AKAP13: variants seen among roughly 807,000 people sequenced by gnomAD.
AKAP13 encodes the protein A-kinase anchoring protein 13.
AKAP13 carries 80 observed loss-of-function variants against 264.5 expected under a neutral mutation model. The ratio of observed to expected loss-of-function variants is 0.30; its 90% CI spans 0.25 to 0.36. The LOEUF is 0.36. Among genes scored for constraint, AKAP13 ranks in the 10% least tolerant of loss-of-function variants. AKAP13 has a pLI of 1.00. For synonymous variants in AKAP13, 1,380 were observed against 1,250.2 expected, an observed-to-expected ratio of 1.10 and a Z score of -2.19; for missense variants, 3,712 against 3,435.2, an observed-to-expected ratio of 1.08 and a Z score of -2.01.
chr15:85,398,127 C>T (rs2071209596), intron 1 of AKAP13, among the ~76,000 whole-genome samples: 1 of 151,988 alleles, frequency 6.6e-6, no homozygotes, highest in Non-Finnish European at 1.5e-5. Context: ...CTCATTCTGG[C>T]GAGAGTTGAA....
chr15:85,513,309 A>G (rs1466480024), intron 2 of AKAP13, among the ~76,000 whole-genome samples: 1 of 151,962 alleles, frequency 6.6e-6, no homozygotes, highest in Non-Finnish European at 1.5e-5. Context: ...GCTTCCCACA[A>G]CCCCAGCCCT....
chr15:85,595,588 C>A (rs898452389), intron 8 of AKAP13, among the ~76,000 whole-genome samples: 2 of 152,204 alleles, frequency 1.3e-5, no homozygotes, highest in Non-Finnish European at 2.9e-5. Flanking sequence ...TGAAAAGTGC[C>A]TGTCTGAAAC....
At chr15:85,574,608 G>A (rs751330236) in intron 5 of AKAP13, among the ~76,000 whole-genome samples, 4 of 152,138 alleles carry the variant, frequency 2.6e-5, no homozygotes, top group Non-Finnish European at 5.9e-5. Context: ...CATTGTAACA[G>A]TTTTTCTTTG....
intron 4 of AKAP13, among the ~76,000 whole-genome samples, chr15:85,538,392 C>G (rs924236885): frequency 3.9e-4 from 59 of 152,082 alleles, no homozygotes; most frequent in African/African-American, 1.3e-3. Context: ...TGTGTATTCC[C>G]AATTCTATAC....
rs2151419613 is a variant in AKAP13, at chr15:85,620,011, A to G, written c.4162-19363A>G. ...ACCACCTAACCGTGAGAAATTTGGAACTAAGGACTTGCACTGGTCCCCAAG... is the reference window on the plus strand; with the variant it reads ...ACCACCTAACCGTGAGAAATTTGGAGCTAAGGACTTGCACTGGTCCCCAAG... On this transcript the variant is annotated intron_variant, in intron 8 of 36. Coordinates refer to ENST00000394518, the MANE Select transcript of AKAP13 (RefSeq NM_007200.5). 2.6e-6 allele frequency: 4 copies of G among 1,520,910 alleles called. No homozygotes were observed. In the South Asian group the frequency reaches 3.7e-5, roughly 14 times the overall value. The allele number at this position is 1,520,910 out of a possible 1,614,324, so 94.2% of individuals were successfully genotyped here. A position where few individuals can be genotyped will look rare whatever the true frequency, so the allele number is the denominator to read the frequency against.
intron 17 of AKAP13, among the ~76,000 whole-genome samples, chr15:85,699,535 G>A (rs773282845): frequency 2.4e-4 from 37 of 152,172 alleles, no homozygotes; most frequent in Admixed American, 6.5e-4. Flanking sequence ...AGGAGAAAAG[G>A]AGTTGAAGAG....
At chr15:85,471,796 A>G (rs77799869) in intron 1 of AKAP13, among the ~76,000 whole-genome samples, 11,750 of 152,300 alleles carry the variant, frequency 0.077, 745 homozygotes, top group East Asian at 0.3. Flanking sequence ...TTGAACTTAT[A>G]CTAGCTCTGT....
chr15:85,539,178 C>T (rs1436855437), intron 4 of AKAP13, among the ~76,000 whole-genome samples: 1 of 152,030 alleles, frequency 6.6e-6, no homozygotes, highest in African/African-American at 2.4e-5. Context: ...AAGAAAATAA[C>T]AACATATTTT....
At chr15:85,467,763 A>C (rs1179757369) in intron 1 of AKAP13, among the ~76,000 whole-genome samples, 1 of 152,232 alleles carries the variant, frequency 6.6e-6, no homozygotes, top group East Asian at 1.9e-4. Flanking sequence ...CGAATGAGTG[A>C]ATAACTAAAA....
At chr15:85,619,591 T>A in intron 8 of AKAP13, 2 of 985,602 alleles carry the variant, frequency 2.0e-6, no homozygotes, top group Non-Finnish European at 2.4e-6. Context: ...ACTTTTTTCA[T>A]GCCATCGCTT....
At position 85,684,762 on chromosome 15, in the gene AKAP13, T is replaced by C; in HGVS notation, c.5178T>C (p.Asn1726=). ...LTESITEENY[N]FLPHSPSKKD... Reference sequence around the variant, plus strand: ...TTAGTATAACAGAAGAGAACTATAATTTCCTGCCACATAGCCCCTCCAAGA... The same window carrying C: ...TTAGTATAACAGAAGAGAACTATAACTTCCTGCCACATAGCCCCTCCAAGA... The change falls in exon 16 of 37, where the codon AAT becomes AAC. Residue 1726 remains asparagine, a synonymous_variant. Transcript: ENST00000394518. 6.2e-7 allele frequency: 1 copy of C among 1,613,212 alleles called. No individual in the cohort carries two copies.
At chr15:85,458,650 G>A (rs142683135) in intron 1 of AKAP13, among the ~76,000 whole-genome samples, 2 of 151,984 alleles carry the variant, frequency 1.3e-5, no homozygotes, top group Non-Finnish European at 2.9e-5. Context: ...TTTCTACTGC[G>A]TTGAAACTTA....
intron 7 of AKAP13, among the ~76,000 whole-genome samples, chr15:85,584,125 A>G (rs2079237666): frequency 6.6e-6 from 1 of 152,204 alleles, no homozygotes; most frequent in African/African-American, 2.4e-5. Context: ...TTTTCTATCA[A>G]GTTTACATTC....
At chr15:85,484,985 C>T (rs1392378866) in intron 1 of AKAP13, among the ~76,000 whole-genome samples, 1 of 152,172 alleles carries the variant, frequency 6.6e-6, no homozygotes, top group Non-Finnish European at 1.5e-5. Flanking sequence ...ACTTTATACT[C>T]AAACTCAGGG....
intron 8 of AKAP13, among the ~76,000 whole-genome samples, chr15:85,622,555 T>C (rs1203192892): frequency 6.6e-6 from 1 of 152,176 alleles, no homozygotes; most frequent in East Asian, 1.9e-4. Flanking sequence ...GTTGAAAAGA[T>C]TATTCTGGTA....
chr15:85,741,544 A>AC (rs2088964544), intron 35 of AKAP13, 49 bp downstream of exon 35: 3 of 1,517,010 alleles, frequency 2.0e-6, no homozygotes, highest in African/African-American at 2.8e-5. Context: ...ATTAATTAAG[A>AC]CCCCCTGTGT....
Position 85,655,468 on chromosome 15 carries a change from G to T in AKAP13, c.4426G>T (p.Asp1476Tyr), listed in dbSNP as rs373550260. The change falls in exon 11 of 37, where the codon GAT becomes TAT. Residue 1476 changes from aspartate to tyrosine, a missense_variant. Around this residue, in one of 3 missense-constraint regions of AKAP13, gnomAD observed 2,759 missense variants for 2,411.7 expected, o/e 1.14. Coordinates refer to ENST00000394518, the MANE Select transcript of AKAP13 (RefSeq NM_007200.5). ...TATCACCGGATCCAGTTCATCCACC[G>T]ATGACACGGCTTCACTGGACCGACA... ...CDITGSSSST[D>Y]DTASLDRHSS... 1.9e-5 allele frequency: 30 copies of T among 1,614,056 alleles called. No individual in the cohort carries two copies. The highest frequency in any genetic ancestry group is 2.4e-5 in the Non-Finnish European group (28 of 1,180,036).
intron 3 of AKAP13, among the ~76,000 whole-genome samples, chr15:85,528,616 C>A (rs557836426): frequency 6.6e-6 from 1 of 152,250 alleles, no homozygotes; most frequent in South Asian, 2.1e-4. Flanking sequence ...ATAACCAAAT[C>A]TGTTGCAGTG....
chr15:85,415,321 TG>T (rs1476651661), intron 1 of AKAP13: 2 of 1,574,648 alleles, frequency 1.3e-6, no homozygotes, highest in African/African-American at 1.3e-5. Flanking sequence ...GGAATAGCTT[TG>T]CGAAAAATGG....
Sources: allele counts gnomAD v4.1 joint callset (sites outside exome capture counted in the v4.1 genomes callset), GRCh38; gene constraint gnomAD v4.1.1; regional missense constraint gnomAD v4.1.1; transcripts MANE v1.5; gene names NCBI Gene and HGNC (gene_info 2026-07-23, HGNC 2026-07-21).